Variants in R3HDM1 observed in about 807,000 individuals in gnomAD.
R3HDM1 encodes the protein R3H domain-containing protein 1.
R3HDM1 carries 46 observed loss-of-function variants against 141.1 expected under a neutral mutation model. The ratio of observed to expected loss-of-function variants is 0.33; its 90% CI spans 0.26 to 0.42. The LOEUF (loss-of-function observed/expected upper bound fraction) is 0.42, where lower values mean the gene tolerates loss of function less well. Ranked by LOEUF, R3HDM1 falls within the 10% of genes least tolerant of loss-of-function variation. The pLI, the probability that R3HDM1 is intolerant of heterozygous loss-of-function variation, is 1.00. For synonymous variants in R3HDM1, 435 were observed against 472.9 expected (o/e 0.92, Z 1.04); for missense variants, 1,184 against 1,368.3 (o/e 0.87, Z 2.12).
At chr2:135,715,830 ATTT>A in intron 24 of R3HDM1, 136 bp downstream of exon 24, 2 of 1,042,460 alleles carry the variant, frequency 1.9e-6, no homozygotes, top group Non-Finnish European at 2.7e-6. Context: ...AGGCATGTCT[ATTT>A]GTGACCATAT....
chr2:135,591,648 T>A (rs993887754), intron 1 of R3HDM1, among the ~76,000 whole-genome samples: 5 of 152,220 alleles, frequency 3.3e-5, no homozygotes, highest in African/African-American at 1.2e-4. Context: ...ACAATGACTT[T>A]TGACACTAAT....
At chr2:135,576,659 C>T (rs1167121676) in intron 1 of R3HDM1, among the ~76,000 whole-genome samples, 1 of 152,060 alleles carries the variant, frequency 6.6e-6, no homozygotes, top group East Asian at 1.9e-4. Context: ...TACAATGAAA[C>T]ATATTTCAGC....
intron 21 of R3HDM1, among the ~76,000 whole-genome samples, chr2:135,696,201 C>T (rs573259170): frequency 6.6e-6 from 1 of 152,060 alleles, no homozygotes; most frequent in Non-Finnish European, 1.5e-5. Flanking sequence ...CATAATTATC[C>T]TGAGCGAAAA....
intron 1 of R3HDM1, among the ~76,000 whole-genome samples, chr2:135,558,489 C>T (rs917341235): frequency 9.3e-5 from 14 of 150,122 alleles, no homozygotes; most frequent in African/African-American, 3.4e-4. Context: ...TAATAAATAA[C>T]CTTAGTGGGT....
At chr2:135,709,577 G>A (rs2075387844) in intron 22 of R3HDM1, 41 bp downstream of exon 22, 2 of 1,605,314 alleles carry the variant, frequency 1.2e-6, no homozygotes, top group South Asian at 1.1e-5. Context: ...TGGTTCATAT[G>A]AGAAATAGTT....
intron 21 of R3HDM1, 52 bp from the exon 22 acceptor site, chr2:135,709,381 A>G: frequency 1.2e-6 from 2 of 1,607,432 alleles, no homozygotes; most frequent in African/African-American, 2.7e-5. Flanking sequence ...CCATTCAAGA[A>G]TGTTTATAGT....
intron 6 of R3HDM1, chr2:135,622,052 T>C (rs1322926907): frequency 2.0e-6 from 2 of 984,216 alleles, no homozygotes; most frequent in Admixed American, 1.2e-4. Flanking sequence ...TGCAGATCAA[T>C]AGAAATGCTT....
chr2:135,684,404 A>G (rs2070975151), intron 21 of R3HDM1, among the ~76,000 whole-genome samples: 1 of 152,134 alleles, frequency 6.6e-6, no homozygotes, highest in Non-Finnish European at 1.5e-5. Context: ...TATTTCTTAA[A>G]TGTCAAAGGC....
At chr2:135,702,672 T>G (rs1429835534) in intron 21 of R3HDM1, among the ~76,000 whole-genome samples, 2 of 138,556 alleles carry the variant, frequency 1.4e-5, no homozygotes, top group Admixed American at 7.3e-5. Context: ...AAAAAAAATA[T>G]CAGGCATGGT....
intron 1 of R3HDM1, among the ~76,000 whole-genome samples, chr2:135,601,891 G>A (rs1225599856): frequency 6.6e-6 from 1 of 151,066 alleles, no homozygotes; most frequent in African/African-American, 2.4e-5. Context: ...TGAGCCCCTG[G>A]CCTCAAGTGA....
chr2:135,595,012 C>T (rs1710298299), intron 1 of R3HDM1, among the ~76,000 whole-genome samples: 1 of 148,640 alleles, frequency 6.7e-6, no homozygotes, highest in African/African-American at 2.5e-5. Context: ...TTGTGGGCAA[C>T]TTCATTAACA....
In R3HDM1 at chr2:135,621,787, G is replaced by GT. The variant is rs1338959073; in HGVS notation, c.418+180dup. On this transcript the variant is annotated intron_variant, in intron 6 of 26. Coordinates refer to ENST00000683871, the MANE Select transcript of R3HDM1 (RefSeq NM_001378107.1). Reference sequence around the variant, plus strand: ...TGGTTTAACACAGTTCCATATATCAGTAAGACGTTTCAGCCAAAAATGCAA... The same window carrying GT: ...TGGTTTAACACAGTTCCATATATCAGTTAAGACGTTTCAGCCAAAAATGCAA... 5.2e-6 allele frequency: 5 copies of GT among 966,432 alleles called. No individual in the cohort carries two copies. The African/African-American group carries it at 1.1e-4, about 21-fold the overall frequency. The allele number at this position is 966,432 out of a possible 1,614,324, so 59.9% of individuals were successfully genotyped here.
chr2:135,616,016 A>G, intron 3 of R3HDM1, 136 bp from the exon 4 acceptor site: 1 of 729,802 alleles, frequency 1.4e-6, no homozygotes, highest in Non-Finnish European at 2.2e-6. Flanking sequence ...GTACTCCTTT[A>G]CTGAAACCAA....
chr2:135,710,218 A>T lies in R3HDM1; in HGVS notation c.2723A>T (p.Asp908Val). Residue 908 changes from aspartate to valine, a missense_variant, in exon 23 of 27, where the codon GAC becomes GTC. By Grantham distance (152) the Asp-to-Val change is radical. Around this residue, in one of 5 missense-constraint regions of R3HDM1, gnomAD observed 563 missense variants for 562.0 expected, o/e 1.00. Transcript: ENST00000683871. ...GQKCVEFSSV[D>V]NIVQHSPQLS... Reference sequence around the variant, plus strand: ...AAGTGTGTAGAATTTAGCAGTGTAGACAATATTGTCCAGGTAAGATGGTTT... The same window carrying T: ...AAGTGTGTAGAATTTAGCAGTGTAGTCAATATTGTCCAGGTAAGATGGTTT... 6.2e-7 allele frequency: 1 copy of T among 1,613,584 alleles called. No homozygotes were observed. The highest frequency in any genetic ancestry group is 8.5e-7 in the Non-Finnish European group (1 of 1,179,732).
In R3HDM1 at chr2:135,622,305, A is replaced by T. The variant is rs969481105; in HGVS notation, c.419-349A>T. 2.7e-4 allele frequency: 264 copies of T among 984,762 alleles called. 1 individual carries two copies. Among genetic ancestry groups the T allele is most frequent in the Non-Finnish European group, 7.7e-5 (64 of 829,460 alleles). The allele number at this position is 984,762 out of a possible 1,614,324, so 61.0% of individuals were successfully genotyped here. On this transcript the variant is annotated intron_variant, in intron 6 of 26. Transcript: ENST00000683871. ...TGCTACAAATGTAGTTAATTATGTA[A>T]ATCATTTAAATTTTTCACCCACGGA...
chr2:135,714,040 C>A (rs1304218725), intron 23 of R3HDM1, among the ~76,000 whole-genome samples: 1 of 151,754 alleles, frequency 6.6e-6, no homozygotes, highest in African/African-American at 2.4e-5. Context: ...AGGCAAGAGT[C>A]ACCACTAGAG....
At chr2:135,574,399 G>A (rs1704886768) in intron 1 of R3HDM1, among the ~76,000 whole-genome samples, 1 of 152,184 alleles carries the variant, frequency 6.6e-6, no homozygotes, top group Non-Finnish European at 1.5e-5. Context: ...GTTTCACAGA[G>A]CAATTCTATC....
chr2:135,680,442 A>G (rs1029381721), intron 21 of R3HDM1, 118 bp downstream of exon 21: 1 of 1,176,098 alleles, frequency 8.5e-7, no homozygotes, highest in African/African-American at 1.6e-5. Context: ...CTAATGTAGA[A>G]TAGAAAAAAA....
chr2:135,616,237 T>G, intron 4 of R3HDM1, 44 bp downstream of exon 4: 4 of 1,545,768 alleles, frequency 2.6e-6, no homozygotes, highest in Non-Finnish European at 3.6e-6. Context: ...AGGGCCTTCC[T>G]TCATGCTTGA....
Sources: gnomAD v4.1 joint callset for allele counts (sites outside exome capture counted in the v4.1 genomes callset) on GRCh38, gnomAD v4.1.1 for gene constraint, gnomAD v4.1.1 regional missense constraint, MANE v1.5 for transcripts, NCBI Gene and HGNC (gene_info 2026-07-23, HGNC 2026-07-21) for gene names.